The following LUZP2 variants were observed in gnomAD, a reference collection of about 807,000 sequenced individuals.
LUZP2 encodes the protein leucine zipper protein 2.
Under a neutral mutation model 51.6 loss-of-function variants are expected in LUZP2, and 52 were observed. That is an observed-to-expected ratio of 1.01 (90% CI 0.81 to 1.27). LUZP2 has a LOEUF of 1.27. Among genes scored for constraint, LUZP2 ranks in the 50% most tolerant of loss-of-function variants. The pLI, the probability that LUZP2 is intolerant of heterozygous loss-of-function variation, is 0.00. For synonymous variants in LUZP2, 154 were observed against 137.3 expected, an observed-to-expected ratio of 1.12 and a Z score of -0.85; for missense variants, 436 against 395.4, an observed-to-expected ratio of 1.10 and a Z score of -0.87.
At chr11:24,932,662 A>G (rs1178151924) in intron 7 of LUZP2, among the ~76,000 whole-genome samples, 1 of 152,100 alleles carries the variant, frequency 6.6e-6, no homozygotes, top group African/African-American at 2.4e-5. Context: ...CCCCCTCAAC[A>G]TCATCAAATT....
chr11:24,799,427 C>G (rs1849632281), intron 5 of LUZP2, among the ~76,000 whole-genome samples: 1 of 151,944 alleles, frequency 6.6e-6, no homozygotes, highest in Non-Finnish European at 1.5e-5. Context: ...GAAACCCCGT[C>G]CCTACTAAAA....
At chr11:24,933,442 A>G (rs1203364865) in intron 7 of LUZP2, among the ~76,000 whole-genome samples, 2 of 152,186 alleles carry the variant, frequency 1.3e-5, no homozygotes, top group African/African-American at 4.8e-5. Context: ...TATGACTACA[A>G]AACTTCAATA....
chr11:24,954,230 G>A (rs748739599), intron 7 of LUZP2, among the ~76,000 whole-genome samples: 1 of 151,996 alleles, frequency 6.6e-6, no homozygotes, highest in Non-Finnish European at 1.5e-5. Flanking sequence ...AGGAGGACAG[G>A]TATTTTGTTA....
intron 5 of LUZP2, among the ~76,000 whole-genome samples, chr11:24,898,700 A>G (rs1853169548): frequency 6.6e-6 from 1 of 152,090 alleles, no homozygotes; most frequent in African/African-American, 2.4e-5. Flanking sequence ...AAACGTGACA[A>G]TTTCTTGTGT....
chr11:24,747,728 C>T (rs551070728), intron 4 of LUZP2, among the ~76,000 whole-genome samples: 111 of 152,200 alleles, frequency 7.3e-4, no homozygotes, highest in African/African-American at 2.4e-3. Flanking sequence ...GTGGGTCTTG[C>T]TGTGGCTGTT....
chr11:24,836,191 A>T (rs1850855451), intron 5 of LUZP2, among the ~76,000 whole-genome samples: 1 of 151,944 alleles, frequency 6.6e-6, no homozygotes, highest in South Asian at 2.1e-4. Flanking sequence ...AACAGCAACA[A>T]TATCTGATTT....
At chr11:24,891,601 A>T (rs988177168) in intron 5 of LUZP2, 2 of 805,222 alleles carry the variant, frequency 2.5e-6, no homozygotes, top group Admixed American at 1.3e-4. Context: ...AGACTAATAA[A>T]GGTGACGGGC....
At chr11:24,522,260 T>C (rs1261203432) in intron 1 of LUZP2, among the ~76,000 whole-genome samples, 1 of 152,178 alleles carries the variant, frequency 6.6e-6, no homozygotes, top group African/African-American at 2.4e-5. Context: ...GCATTTGGCA[T>C]AAATAGTCAC....
intron 9 of LUZP2, among the ~76,000 whole-genome samples, chr11:25,025,363 A>G (rs150169862): frequency 2.0e-5 from 3 of 152,312 alleles, no homozygotes; most frequent in African/African-American, 7.2e-5. Flanking sequence ...CAAGCAACCT[A>G]CAGAATGGGA....
intron 7 of LUZP2, among the ~76,000 whole-genome samples, chr11:24,922,365 A>C (rs1854088237): frequency 6.6e-6 from 1 of 152,154 alleles, no homozygotes; most frequent in Non-Finnish European, 1.5e-5. Flanking sequence ...TGTATGTATA[A>C]CAGAGTGTCA....
intron 5 of LUZP2, among the ~76,000 whole-genome samples, chr11:24,824,118 C>T (rs1170428690): frequency 6.6e-6 from 1 of 151,422 alleles, no homozygotes; most frequent in East Asian, 1.9e-4. Context: ...AATCCCAGCA[C>T]TTTGGGAGGC....
Position 24,774,372 on chromosome 11 carries a change from A to C in LUZP2, c.396+11064A>C, listed in dbSNP as rs372014612. ...TCTCTCTCTCTCTCTCTATATATAT[A>C]TATATATATACATACACACACACAT... On this transcript the variant is annotated intron_variant, in intron 5 of 11. Coordinates refer to ENST00000336930, the MANE Select transcript of LUZP2 (RefSeq NM_001009909.4). Among the ~76,000 whole-genome samples the C allele has an allele frequency of 1.7e-3, 86 of 49,208 alleles. 2 individuals are homozygous for C. Among genetic ancestry groups the C allele is most frequent in the Non-Finnish European group, 2.3e-3 (54 of 23,962 alleles). 32.3% of individuals were successfully genotyped at this position (49,208 alleles called of 152,430 possible).
At position 25,047,996 on chromosome 11, in the gene LUZP2, G is replaced by A. The variant is rs551093177; in HGVS notation, c.766-2042G>A. Among the ~76,000 whole-genome samples, 11 of 151,380 alleles carry A rather than the reference G, an allele frequency of 7.3e-5. No individual in the cohort carries two copies. The South Asian group carries it at 2.3e-3, about 32-fold the overall frequency. On this transcript the variant is annotated intron_variant, in intron 9 of 11. Coordinates refer to ENST00000336930, the MANE Select transcript of LUZP2 (RefSeq NM_001009909.4). ...ACCACATTAAAAAAAAAATTGTAGC[G>A]ACAGGAGACACATGATGTTATCCAG...
At chr11:24,544,646 G>T (rs1234142875) in intron 1 of LUZP2, among the ~76,000 whole-genome samples, 1 of 152,028 alleles carries the variant, frequency 6.6e-6, no homozygotes, top group Non-Finnish European at 1.5e-5. Flanking sequence ...GTATTCAATG[G>T]TGTATACATA....
At chr11:24,612,583 C>T (rs899848572) in intron 1 of LUZP2, among the ~76,000 whole-genome samples, 9 of 152,046 alleles carry the variant, frequency 5.9e-5, no homozygotes, top group African/African-American at 2.2e-4. Context: ...ACTTTGCTCA[C>T]ACACTCTTAC....
intron 5 of LUZP2, among the ~76,000 whole-genome samples, chr11:24,797,829 C>T (rs1421269962): frequency 2.6e-5 from 4 of 152,126 alleles, no homozygotes; most frequent in Non-Finnish European, 5.9e-5. Context: ...TGGCAAGATG[C>T]TAATGTGGGT....
chr11:24,562,494 G>A (rs1308001901), intron 1 of LUZP2, among the ~76,000 whole-genome samples: 1 of 151,828 alleles, frequency 6.6e-6, no homozygotes, highest in Admixed American at 6.6e-5. Context: ...AGAAACCCAG[G>A]TATAAGAGAA....
intron 1 of LUZP2, among the ~76,000 whole-genome samples, chr11:24,612,750 T>C (rs1411667583): frequency 6.6e-6 from 1 of 152,134 alleles, no homozygotes; most frequent in Non-Finnish European, 1.5e-5. Context: ...ACATGATTAG[T>C]TGTGTTTAAT....
chr11:25,074,837 T>C (rs1859255040), intron 10 of LUZP2, among the ~76,000 whole-genome samples: 1 of 152,132 alleles, frequency 6.6e-6, no homozygotes, highest in Non-Finnish European at 1.5e-5. Context: ...GATCAGATCA[T>C]TCAAGATCAA....
Sources: allele counts gnomAD v4.1 joint callset (sites outside exome capture counted in the v4.1 genomes callset), GRCh38; gene constraint gnomAD v4.1.1; transcripts MANE v1.5; gene names NCBI Gene and HGNC (gene_info 2026-07-23, HGNC 2026-07-21).